KCNT2: variants seen among roughly 807,000 people sequenced by gnomAD.
KCNT2 encodes the protein potassium channel subfamily T member 2.
Under a neutral mutation model 153.8 loss-of-function variants are expected in KCNT2, and 67 were observed. That is an observed-to-expected ratio of 0.44 (90% CI 0.36 to 0.53). The LOEUF is 0.53. Ranked by LOEUF, KCNT2 falls within the 20% of genes least tolerant of loss-of-function variation. The pLI, the probability that KCNT2 is intolerant of heterozygous loss-of-function variation, is 0.00. For synonymous variants in KCNT2, 500 were observed against 458.8 expected (o/e 1.09, Z -1.15); for missense variants, 975 against 1,354.8 (o/e 0.72, Z 4.40).
intron 6 of KCNT2, 35 bp from the exon 7 acceptor site, chr1:196,467,821 T>A: frequency 7.3e-7 from 1 of 1,377,518 alleles, no homozygotes; most frequent in Non-Finnish European, 1.0e-6. Context: ...TAGACTTTTA[T>A]CTCAAAGCAA....
At chr1:196,257,550 A>T (rs1477390385) in intron 26 of KCNT2, 1 of 924,860 alleles carries the variant, frequency 1.1e-6, no homozygotes, top group Admixed American at 6.2e-5. Context: ...TAAAATTCAT[A>T]CACTGATAAA....
At chr1:196,578,294 T>C (rs1462757523) in intron 1 of KCNT2, among the ~76,000 whole-genome samples, 1 of 152,002 alleles carries the variant, frequency 6.6e-6, no homozygotes, top group African/African-American at 2.4e-5. Flanking sequence ...GGATGTTAGA[T>C]AGCACAGAAA....
At chr1:196,596,771 G>A (rs1237449653) in intron 1 of KCNT2, among the ~76,000 whole-genome samples, 5 of 151,990 alleles carry the variant, frequency 3.3e-5, no homozygotes, top group South Asian at 2.1e-4. Context: ...ATGTGATCAC[G>A]TTTCACCGCA....
At chr1:196,293,337 A>G (rs1660371092) in intron 22 of KCNT2, among the ~76,000 whole-genome samples, 2 of 152,038 alleles carry the variant, frequency 1.3e-5, no homozygotes, top group African/African-American at 2.4e-5. Flanking sequence ...AGAAAAAAAC[A>G]AAACAAAACA....
intron 16 of KCNT2, among the ~76,000 whole-genome samples, chr1:196,334,594 A>C (rs1360956437): frequency 6.8e-6 from 1 of 147,106 alleles, no homozygotes; most frequent in African/African-American, 2.5e-5. Flanking sequence ...TTTTCTATTG[A>C]GCTATCTTTT....
rs1670844420 is a variant in KCNT2, at chr1:196,395,361, CTGTT to C, written c.1294+3198_1294+3201del. Among the ~76,000 whole-genome samples the C allele has an allele frequency of 6.6e-5, 10 of 151,624 alleles. No homozygotes were observed. The South Asian group carries it at 2.1e-3, about 31-fold the overall frequency. On this transcript the variant is annotated intron_variant, in intron 13 of 27. Coordinates refer to ENST00000294725, the MANE Select transcript of KCNT2 (RefSeq NM_198503.5). ...ATGCTTTTGAAATCTCTCTTATAAA[CTGTT>C]TGTAAAACATTATGGGAGAGCCCAG...
chr1:196,492,600 T>C (rs973202268), intron 1 of KCNT2, among the ~76,000 whole-genome samples: 9 of 152,136 alleles, frequency 5.9e-5, no homozygotes, highest in Non-Finnish European at 8.8e-5. Flanking sequence ...ATATTATACA[T>C]AGTCAATTCA....
intron 1 of KCNT2, 48 bp downstream of exon 1, chr1:196,608,167 C>T (rs1407667782): frequency 6.4e-7 from 1 of 1,553,294 alleles, no homozygotes; most frequent in South Asian, 1.1e-5. Flanking sequence ...CCATTTCCGT[C>T]TCTTTTTCAG....
At chr1:196,423,837 AAT>A (rs944910687) in intron 11 of KCNT2, among the ~76,000 whole-genome samples, 2 of 151,910 alleles carry the variant, frequency 1.3e-5, no homozygotes, top group Non-Finnish European at 2.9e-5. Context: ...TTATTAAGAT[AAT>A]ATGAGTGTTG....
Position 196,282,298 on chromosome 1 carries a change from G to A in KCNT2, c.2756C>T (p.Thr919Ile). ...AGAACAAAGAAACCCAGATCCTGGT[G>A]TAGTGTCCAGTCCCAACAGAAGTCT... ...ITRLLLGLDTTPGSGFLCSMK... is the reference protein window; with the variant it reads ...ITRLLLGLDTIPGSGFLCSMK... The change falls in exon 24 of 28, where the codon ACA becomes ATA. Residue 919 changes from threonine (T) to isoleucine (I), a missense_variant. By Grantham distance (89) the Thr-to-Ile change is moderately conservative. This residue lies in a region of KCNT2 where 241 missense variants were observed against 271.1 expected (regional missense o/e 0.89). Transcript: ENST00000294725. 6.3e-7 allele frequency: 1 copy of A among 1,598,902 alleles called. No homozygotes were observed.
intron 13 of KCNT2, among the ~76,000 whole-genome samples, chr1:196,379,953 G>A (rs746311670): frequency 1.4e-4 from 21 of 152,130 alleles, no homozygotes; most frequent in African/African-American, 1.9e-4. Context: ...ACAATCCTGC[G>A]TTATTAAAAT....
At chr1:196,464,168 G>C (rs572553889) in intron 8 of KCNT2, among the ~76,000 whole-genome samples, 1 of 151,788 alleles carries the variant, frequency 6.6e-6, no homozygotes, top group East Asian at 1.9e-4. Context: ...AGAATTTTTA[G>C]TGACTTTAGA....
At chr1:196,382,261 G>C (rs544618217) in intron 13 of KCNT2, among the ~76,000 whole-genome samples, 1 of 139,696 alleles carries the variant, frequency 7.2e-6, no homozygotes, top group African/African-American at 2.5e-5. Flanking sequence ...ACCACACCCG[G>C]CTATTTTTTA....
At chr1:196,242,178 C>A (rs1655018101) in intron 26 of KCNT2, among the ~76,000 whole-genome samples, 1 of 151,976 alleles carries the variant, frequency 6.6e-6, no homozygotes, top group African/African-American at 2.4e-5. Context: ...GAATGTGGGA[C>A]AAAACTATAC....
chr1:196,558,259 T>C (rs1658932837), intron 1 of KCNT2, among the ~76,000 whole-genome samples: 1 of 151,390 alleles, frequency 6.6e-6, no homozygotes, highest in Non-Finnish European at 1.5e-5. Flanking sequence ...AATATGCACA[T>C]TCAAATCATA....
At chr1:196,469,115 C>CTAT (rs747160513) in intron 5 of KCNT2, 47 bp from the exon 6 acceptor site, 16 of 1,087,050 alleles carry the variant, frequency 1.5e-5, no homozygotes, top group Non-Finnish European at 1.8e-5. Flanking sequence ...ATACTGCCTC[C>CTAT]TATTAAAGGG....
intron 4 of KCNT2, among the ~76,000 whole-genome samples, chr1:196,480,921 A>G (rs937599120): frequency 4.0e-5 from 6 of 151,188 alleles, no homozygotes; most frequent in Admixed American, 6.6e-5. Context: ...CACTGTTTTA[A>G]AAAGCAATTT....
intron 20 of KCNT2, among the ~76,000 whole-genome samples, chr1:196,317,924 A>G (rs1290255417): frequency 6.6e-6 from 1 of 151,758 alleles, no homozygotes; most frequent in Non-Finnish European, 1.5e-5. Flanking sequence ...ATATTTCTGA[A>G]CCATGTGGAA....
chr1:196,400,203 G>A (rs540899141), intron 12 of KCNT2, among the ~76,000 whole-genome samples: 75 of 151,738 alleles, frequency 4.9e-4, no homozygotes, highest in Admixed American at 1.1e-3. Flanking sequence ...TGAGGTTTGA[G>A]GGTTATAGAT....
Sources: allele counts gnomAD v4.1 joint callset (sites outside exome capture counted in the v4.1 genomes callset), GRCh38; gene constraint gnomAD v4.1.1; regional missense constraint gnomAD v4.1.1; transcripts MANE v1.5; gene names NCBI Gene and HGNC (gene_info 2026-07-23, HGNC 2026-07-21).